The following ITFG2 variants were observed in gnomAD, a reference collection of about 807,000 sequenced individuals.
ITFG2 encodes the protein integrin alpha FG-GAP repeat containing 2.
ITFG2 carries 36 observed loss-of-function variants against 54.4 expected under a neutral mutation model. The ratio of observed to expected loss-of-function variants is 0.66; its 90% CI spans 0.51 to 0.87. ITFG2 has a LOEUF of 0.87. ITFG2 is among the 40% of genes least tolerant of loss of function. The pLI is 0.00. For synonymous variants in ITFG2, 211 were observed against 225.4 expected, an observed-to-expected ratio of 0.94 and a Z score of 0.57; for missense variants, 524 against 576.7, an observed-to-expected ratio of 0.91 and a Z score of 0.94.
chr12:2,836,063 A>ATGC (rs2098026839), upstream of ITFG2, among the ~76,000 whole-genome samples: 1 of 152,250 alleles, frequency 6.6e-6, no homozygotes, highest in Admixed American at 6.5e-5. Context: ...CTAACAAACA[A>ATGC]TGCTGCTATG....
rs936940717 is a variant in ITFG2 at position 2,856,846 on chromosome 12, A to C, written n.301-1166A>C. The stretch of plus-strand genomic sequence containing the variant: ...AAAAGGGGAAGACAGCAGAAAATGT[A>C]TGGGCCAGGCAGTCTGCTGCCCAGA... On this transcript the variant is annotated intron_variant and non_coding_transcript_variant, in intron 2 of 3. Transcript: ENST00000537710. The C allele has an allele frequency of 8.9e-6, 6 of 673,396 alleles. No homozygotes were observed. In the Admixed American group the frequency reaches 1.3e-4, roughly 15 times the overall value. 41.7% of individuals were successfully genotyped at this position (673,396 alleles called of 1,614,324 possible).
At chr12:2,852,960 A>G (rs911411258) in intron 2 of ITFG2, among the ~76,000 whole-genome samples, 8 of 152,070 alleles carry the variant, frequency 5.3e-5, no homozygotes, top group African/African-American at 1.7e-4. Context: ...AGATCACACC[A>G]CTGCACTCTA....
At chr12:2,817,426 A>T in intron 2 of ITFG2, 108 bp downstream of exon 2, 1 of 719,838 alleles carries the variant, frequency 1.4e-6, no homozygotes, top group Non-Finnish European at 2.3e-6. Context: ...CTGACTCCCT[A>T]GCTACTGGGC....
chr12:2,829,393 A>G (rs1013652782), downstream of ITFG2, among the ~76,000 whole-genome samples: 6 of 152,242 alleles, frequency 3.9e-5, no homozygotes, highest in Non-Finnish European at 8.8e-5. Context: ...ACCGGAAGGT[A>G]TATCAATGAA....
At chr12:2,814,240 AG>A (rs1188510132) in intron 1 of ITFG2, among the ~76,000 whole-genome samples, 6 of 152,232 alleles carry the variant, frequency 3.9e-5, no homozygotes, top group African/African-American at 1.4e-4. Flanking sequence ...CAACCTCACC[AG>A]GCCATACTTT....
chr12:2,848,158 G>A (rs2098058481), intron 2 of ITFG2, among the ~76,000 whole-genome samples: 1 of 152,212 alleles, frequency 6.6e-6, no homozygotes, highest in Admixed American at 6.5e-5. Context: ...GTGATGTCTT[G>A]ATTCCCAGGT....
intron 4 of ITFG2, chr12:2,818,731 T>G (rs1205535396): frequency 4.7e-6 from 1 of 213,996 alleles, no homozygotes; most frequent in East Asian, 1.2e-4. Context: ...AGGTAGTAAG[T>G]ACACGGCCAG....
chr12:2,859,725 A>C, exon 4 of ITFG2: 39 of 1,227,498 alleles, frequency 3.2e-5, no homozygotes, highest in Non-Finnish European at 4.1e-5. Flanking sequence ...CAAAAATATC[A>C]CATACGGGTT....
At chr12:2,816,104 C>T (rs538965558) in intron 1 of ITFG2, among the ~76,000 whole-genome samples, 1 of 150,962 alleles carries the variant, frequency 6.6e-6, no homozygotes, top group African/African-American at 2.4e-5. Context: ...GATCTCGGCT[C>T]ACTGCAACCT....
chr12:2,812,740 C>T lies in ITFG2; in HGVS notation c.-21C>T, dbSNP rs375679743. The T allele has an allele frequency of 1.9e-6, 3 of 1,588,534 alleles. No homozygotes were observed. Among genetic ancestry groups the T allele is most frequent in the African/African-American group, 1.3e-5 (1 of 74,662 alleles). On this transcript the variant is annotated 5_prime_UTR_variant, in exon 1 of 12. Coordinates refer to ENST00000228799, the MANE Select transcript of ITFG2 (RefSeq NM_018463.4). The stretch of plus-strand genomic sequence containing the variant: ...GGAATATTTACTGGGCCTCTCCGCT[C>T]CCTCTGCTCTTGGAGGTGCCATGAG...
intron 2 of ITFG2, among the ~76,000 whole-genome samples, chr12:2,843,672 G>T (rs1211445274): frequency 4.6e-5 from 7 of 152,218 alleles, no homozygotes; most frequent in Non-Finnish European, 1.0e-4. Context: ...AATTAGGTGG[G>T]CATGGTGGCG....
At chr12:2,838,851 G>A (rs1023371163) in intron 1 of ITFG2, among the ~76,000 whole-genome samples, 2 of 152,160 alleles carry the variant, frequency 1.3e-5, no homozygotes, top group African/African-American at 2.4e-5. Flanking sequence ...AAGCTCTGAG[G>A]CCTTTCTGCA....
In ITFG2 at chr12:2,823,952, C is replaced by T. The variant is rs1268165696; in HGVS notation, c.1240+9C>T. Reference sequence around the variant, plus strand: ...GCAGGAGCTGGGCGTGGGTGAGTCCCAGAAAAGCCAGTGGCCCGAGTGCCC... The same window carrying T: ...GCAGGAGCTGGGCGTGGGTGAGTCCTAGAAAAGCCAGTGGCCCGAGTGCCC... On this transcript the variant is annotated intron_variant, in intron 11 of 11. Coordinates refer to ENST00000228799, the MANE Select transcript of ITFG2 (RefSeq NM_018463.4). 6.2e-7 allele frequency: 1 copy of T among 1,612,306 alleles called. No homozygotes were observed. The highest frequency in any genetic ancestry group is 2.2e-5 in the East Asian group (1 of 44,852).
chr12:2,820,582 C>A (rs537956756), intron 5 of ITFG2, 142 bp from the exon 6 acceptor site: 2 of 757,390 alleles, frequency 2.6e-6, no homozygotes, highest in African/African-American at 1.8e-5. Flanking sequence ...CCTGCTGCTA[C>A]CCTTGAAGCC....
intron 6 of ITFG2, 69 bp downstream of exon 6, chr12:2,820,941 T>C: frequency 1.3e-6 from 2 of 1,541,886 alleles, no homozygotes; most frequent in Non-Finnish European, 1.8e-6. Flanking sequence ...AGATGCCACA[T>C]GGTAGTAAAA....
downstream of ITFG2, among the ~76,000 whole-genome samples, chr12:2,828,700 G>A (rs533902785): frequency 1.8e-4 from 27 of 152,198 alleles, no homozygotes; most frequent in Admixed American, 1.4e-3. Context: ...AAATTAGCTG[G>A]GTGTGGTGGC....
At chr12:2,849,577 G>A in intron 2 of ITFG2, 1 of 1,527,790 alleles carries the variant, frequency 6.5e-7, no homozygotes, top group Non-Finnish European at 8.8e-7. Flanking sequence ...AGAGATCCAG[G>A]GACAGTGGAG....
chr12:2,848,877 G>GTA (rs1555092609), intron 2 of ITFG2, among the ~76,000 whole-genome samples: 25 of 140,372 alleles, frequency 1.8e-4, no homozygotes, highest in Admixed American at 1.6e-3. Context: ...ACACACACAC[G>GTA]CACACACACA....
chr12:2,827,962 C>G, downstream of ITFG2: 2 of 1,614,200 alleles, frequency 1.2e-6, no homozygotes, highest in East Asian at 2.2e-5. This position sits in a 1 kb window ranked among gnomAD's most constrained non-coding sequence, Gnocchi z 4.0. Flanking sequence ...GTCTCCTGCC[C>G]CAGCTGTAGC....
Sources: allele counts gnomAD v4.1 joint callset (sites outside exome capture counted in the v4.1 genomes callset), GRCh38; gene constraint gnomAD v4.1.1; non-coding constraint Gnocchi (gnomAD v3.1); transcripts MANE v1.5; gene names NCBI Gene and HGNC (gene_info 2026-07-23, HGNC 2026-07-21).